EPHB2: variants seen among roughly 807,000 people sequenced by gnomAD.
EPHB2 encodes EPH receptor B2.
A neutral mutation model predicts 96.4 loss-of-function variants in EPHB2; 18 were observed. The ratio of observed to expected loss-of-function variants is 0.19; its 90% CI spans 0.13 to 0.28. The LOEUF (loss-of-function observed/expected upper bound fraction) is 0.28. Ranked by LOEUF, EPHB2 falls within the 10% of genes least tolerant of loss-of-function variation. The pLI is 1.00. For missense variants in EPHB2, 989 were observed against 1,355.4 expected, an observed-to-expected ratio of 0.73 and a Z score of 4.25; for synonymous variants, 506 against 534.1, an observed-to-expected ratio of 0.95 and a Z score of 0.72.
chr1:22,739,634 A>G (rs1643880154), intron 1 of EPHB2, among the ~76,000 whole-genome samples: 1 of 152,170 alleles, frequency 6.6e-6, no homozygotes, highest in East Asian at 1.9e-4. Context: ...TGGACAGTCC[A>G]CAGCCTCAAG....
At chr1:22,904,432 A>G (rs150344831) in intron 9 of EPHB2, among the ~76,000 whole-genome samples, 80 of 152,356 alleles carry the variant, frequency 5.3e-4, no homozygotes, top group Admixed American at 3.3e-3. Context: ...TTTGAATAGA[A>G]AAGGACAATC....
intron 8 of EPHB2, 67 bp downstream of exon 8, chr1:22,895,647 C>A: frequency 7.1e-7 from 1 of 1,399,710 alleles, no homozygotes; most frequent in Non-Finnish European, 1.0e-6. Flanking sequence ...TCTATTCAGT[C>A]ATCCCTCTAC....
chr1:22,845,442 G>T (rs988444181), intron 3 of EPHB2, among the ~76,000 whole-genome samples: 1 of 152,132 alleles, frequency 6.6e-6, no homozygotes, highest in South Asian at 2.1e-4. Flanking sequence ...GGAAGTTGTG[G>T]TCTCAAGCCC....
At chr1:22,831,158 G>C (rs961424816) in intron 3 of EPHB2, among the ~76,000 whole-genome samples, 8 of 152,140 alleles carry the variant, frequency 5.3e-5, no homozygotes, top group Admixed American at 5.2e-4. Context: ...CTGGCAGCCT[G>C]TACACTTTGA....
intron 3 of EPHB2, among the ~76,000 whole-genome samples, chr1:22,833,879 A>G (rs1410739745): frequency 2.0e-5 from 3 of 152,202 alleles, no homozygotes; most frequent in South Asian, 2.1e-4. Context: ...CAAAGGGTAA[A>G]AGGAGAGAAA....
At chr1:22,826,141 A>T (rs1198649115) in intron 3 of EPHB2, among the ~76,000 whole-genome samples, 2 of 152,126 alleles carry the variant, frequency 1.3e-5, no homozygotes, top group Non-Finnish European at 2.9e-5. Flanking sequence ...GCGGGAGTGA[A>T]TTGGAGTGAG....
chr1:22,835,161 T>G (rs1416536002), intron 3 of EPHB2, among the ~76,000 whole-genome samples: 1 of 151,946 alleles, frequency 6.6e-6, no homozygotes, highest in Non-Finnish European at 1.5e-5. Context: ...GGCAGATTGC[T>G]TGAGTCCAGG....
chr1:22,717,292 T>C lies in EPHB2; in HGVS notation c.61+6249T>C, dbSNP rs576400998. 3.3e-5 allele frequency among the ~76,000 whole-genome samples: 5 copies of C among 152,116 alleles called. No homozygotes were observed. The East Asian group carries it at 5.8e-4, about 18-fold the overall frequency. On this transcript the variant is annotated intron_variant, in intron 1 of 15. Transcript: ENST00000374630. ...GTGGCAGCACCTGGAGGCTCCCTGA[T>C]TGGGATCAGCTCAGGCCTTCTGATA... is the stretch of plus-strand genomic sequence containing the variant.
intron 3 of EPHB2, among the ~76,000 whole-genome samples, chr1:22,848,886 G>A (rs1645582607): frequency 6.6e-6 from 1 of 152,154 alleles, no homozygotes; most frequent in South Asian, 2.1e-4. Flanking sequence ...GGAGAGAGAG[G>A]CAGGTGGTGG....
At position 22,902,502 on chromosome 1, in the gene EPHB2, T is replaced by C. The variant is rs537619797; in HGVS notation, c.1766-3485T>C. Among the ~76,000 whole-genome samples, 8 of 152,340 alleles carry C rather than the reference T, an allele frequency of 5.3e-5. No homozygotes were observed. The East Asian group carries it at 1.3e-3, about 26-fold the overall frequency. On this transcript the variant is annotated intron_variant, in intron 9 of 15. Transcript: ENST00000374630. ...ATACCCCAAAATTATATGTGAAATATGGGAGCATACACACACAGGAATACT... is the reference window on the plus strand; with the variant it reads ...ATACCCCAAAATTATATGTGAAATACGGGAGCATACACACACAGGAATACT...
intron 3 of EPHB2, among the ~76,000 whole-genome samples, chr1:22,808,113 G>T (rs565540327): frequency 4.0e-5 from 6 of 151,690 alleles, no homozygotes; most frequent in Non-Finnish European, 7.4e-5. Flanking sequence ...CAGCCTGGCC[G>T]GCAGAGCAAG....
chr1:22,900,757 C>T (rs1046693550), intron 9 of EPHB2, among the ~76,000 whole-genome samples: 1 of 152,194 alleles, frequency 6.6e-6, no homozygotes, highest in Non-Finnish European at 1.5e-5. Flanking sequence ...GCATCCTAAG[C>T]TCTAACGTTA....
rs1326142455 is a variant in EPHB2 at position 22,911,468 on chromosome 1, GT to G, written c.2696+894del. ...GTTTGTACTCACCATACACCCATCT[GT>G]GCCCCCACACTGAGTCAGCATCCCC... On this transcript the variant is annotated intron_variant, in intron 14 of 15. Coordinates refer to ENST00000374630, the MANE Select transcript of EPHB2 (RefSeq NM_017449.5). Among the ~76,000 whole-genome samples, 4 of 152,108 alleles carry G rather than the reference GT, an allele frequency of 2.6e-5. No individual in the cohort carries two copies. The South Asian group carries it at 8.3e-4, about 32-fold the overall frequency.
At chr1:22,796,960 A>G (rs1644774976) in intron 3 of EPHB2, among the ~76,000 whole-genome samples, 2 of 152,236 alleles carry the variant, frequency 1.3e-5, no homozygotes, top group African/African-American at 4.8e-5. Flanking sequence ...CAAAGCCTGT[A>G]CTTGTCCTGC....
At chr1:22,900,314 A>G (rs990174118) in intron 9 of EPHB2, among the ~76,000 whole-genome samples, 12 of 152,170 alleles carry the variant, frequency 7.9e-5, no homozygotes, top group African/African-American at 2.9e-4. Flanking sequence ...AAAAAGAAAG[A>G]TTATAAATTA....
At position 22,776,649 on chromosome 1, in the gene EPHB2, A is replaced by G. The variant is rs369508698; in HGVS notation, c.62-4772A>G. ...GTTTATTTTCCTTCCTGTCATGGCAAGAGATATTGGTTTTCCATTTATAAT... is the reference window on the plus strand; with the variant it reads ...GTTTATTTTCCTTCCTGTCATGGCAGGAGATATTGGTTTTCCATTTATAAT... On this transcript the variant is annotated intron_variant, in intron 1 of 15. Coordinates refer to ENST00000374630, the MANE Select transcript of EPHB2 (RefSeq NM_017449.5). Among the ~76,000 whole-genome samples, 162 of 152,358 alleles carry G rather than the reference A, an allele frequency of 1.1e-3. 1 individual carries two copies. In the South Asian group the frequency reaches 0.031, roughly 29 times the overall value.
At chr1:22,864,273 T>A (rs751342540) in intron 4 of EPHB2, among the ~76,000 whole-genome samples, 1 of 152,192 alleles carries the variant, frequency 6.6e-6, no homozygotes. Context: ...CTTGAACTCC[T>A]GACCTCAGGT....
At chr1:22,815,160 A>G (rs4655120) in intron 3 of EPHB2, among the ~76,000 whole-genome samples, 28,099 of 152,020 alleles carry the variant, frequency 0.18, 2,699 homozygotes, top group South Asian at 0.32. Context: ...GTGGGCCAAG[A>G]CCACCTCTCT....
intron 6 of EPHB2, among the ~76,000 whole-genome samples, chr1:22,888,041 T>G (rs748948732): frequency 2.0e-5 from 3 of 152,090 alleles, no homozygotes; most frequent in Admixed American, 6.6e-5. Context: ...GTTTGTTTTT[T>G]GGGGGTTTTT....
Sources: gnomAD v4.1 joint callset for allele counts (sites outside exome capture counted in the v4.1 genomes callset) on GRCh38, gnomAD v4.1.1 for gene constraint, MANE v1.5 for transcripts, NCBI Gene and HGNC (gene_info 2026-07-23, HGNC 2026-07-21) for gene names.